The following KCTD8 variants were observed in gnomAD, a reference collection of about 807,000 sequenced individuals.
The protein encoded by KCTD8 is potassium channel tetramerization domain containing 8, also known as BTB/POZ domain-containing protein KCTD8.
In KCTD8, 27 loss-of-function variants were observed where a neutral mutation model predicts 31.5. That is an observed-to-expected ratio of 0.86 (90% confidence interval 0.63 to 1.18). The LOEUF (loss-of-function observed/expected upper bound fraction) is 1.18, where lower values mean the gene tolerates loss of function less well. Ranked by LOEUF, KCTD8 falls within the 50% of genes most tolerant of loss-of-function variation. The probability of loss-of-function intolerance (pLI) is 0.00; values close to 1 mark genes in which losing one functional copy is unlikely to be tolerated. For missense variants in KCTD8, 658 were observed against 647.7 expected (o/e 1.02, Z -0.17); for synonymous variants, 290 against 280.0 (o/e 1.04, Z -0.36).
At chr4:44,390,519 A>G (rs1720344693) in intron 1 of KCTD8, among the ~76,000 whole-genome samples, 1 of 151,964 alleles carries the variant, frequency 6.6e-6, no homozygotes, top group South Asian at 2.1e-4. Context: ...TATTAATACC[A>G]GTACCAGGCT....
chr4:44,375,502 G>A (rs1390945176), intron 1 of KCTD8, among the ~76,000 whole-genome samples: 1 of 152,056 alleles, frequency 6.6e-6, no homozygotes, highest in East Asian at 1.9e-4. Flanking sequence ...TCTGTTCCTG[G>A]TTTCTCACTC....
At chr4:44,319,173 T>C (rs1479811124) in intron 1 of KCTD8, among the ~76,000 whole-genome samples, 1 of 152,122 alleles carries the variant, frequency 6.6e-6, no homozygotes, top group Non-Finnish European at 1.5e-5. Context: ...TAGAGAGAAC[T>C]TGGATAATAC....
chr4:44,211,111 C>G (rs370563352), intron 1 of KCTD8, among the ~76,000 whole-genome samples: 37 of 152,220 alleles, frequency 2.4e-4, no homozygotes, highest in African/African-American at 7.9e-4. Flanking sequence ...ATATTAGGCT[C>G]ATTTTATTTA....
chr4:44,346,010 T>A (rs1719027338), intron 1 of KCTD8, among the ~76,000 whole-genome samples: 1 of 152,128 alleles, frequency 6.6e-6, no homozygotes, highest in Admixed American at 6.5e-5. Context: ...TCAATCTAGT[T>A]AAAGCGTTCA....
At chr4:44,350,244 G>A (rs531159879) in intron 1 of KCTD8, among the ~76,000 whole-genome samples, 68 of 152,048 alleles carry the variant, frequency 4.5e-4, no homozygotes, top group Admixed American at 3.5e-3. Context: ...GCATTATGCC[G>A]TTTTCACAAC....
intron 1 of KCTD8, among the ~76,000 whole-genome samples, chr4:44,356,949 G>A (rs1402279895): frequency 6.6e-6 from 1 of 151,994 alleles, no homozygotes; most frequent in African/African-American, 2.4e-5. Flanking sequence ...TCCATATTTA[G>A]AACAATATTT....
At chr4:44,350,133 C>G (rs185473179) in intron 1 of KCTD8, among the ~76,000 whole-genome samples, 76 of 152,290 alleles carry the variant, frequency 5.0e-4, no homozygotes, top group Non-Finnish European at 1.0e-3. Context: ...CTTTACTATT[C>G]TTCCTCCTCT....
chr4:44,281,540 T>C (rs1312063725), intron 1 of KCTD8, among the ~76,000 whole-genome samples: 1 of 152,170 alleles, frequency 6.6e-6, no homozygotes, highest in Non-Finnish European at 1.5e-5. Context: ...ATAAGAATTT[T>C]CTGTGAGCCT....
chr4:44,355,340 T>G (rs1719315543), intron 1 of KCTD8, among the ~76,000 whole-genome samples: 1 of 152,116 alleles, frequency 6.6e-6, no homozygotes, highest in Non-Finnish European at 1.5e-5. Context: ...GGTCATTTTT[T>G]CAGGAGTTAG....
At chr4:44,249,563 A>C (rs1715766003) in intron 1 of KCTD8, among the ~76,000 whole-genome samples, 1 of 151,824 alleles carries the variant, frequency 6.6e-6, no homozygotes, top group African/African-American at 2.4e-5. Context: ...TGACAAATAA[A>C]TAAGCATGGT....
intron 1 of KCTD8, among the ~76,000 whole-genome samples, chr4:44,282,105 G>T (rs747172662): frequency 1.3e-5 from 2 of 151,980 alleles, no homozygotes; most frequent in African/African-American, 2.4e-5. Flanking sequence ...GTCTTACTGT[G>T]CTTTACTTTA....
intron 1 of KCTD8, among the ~76,000 whole-genome samples, chr4:44,352,030 A>G (rs1719217452): frequency 6.6e-6 from 1 of 152,110 alleles, no homozygotes; most frequent in African/African-American, 2.4e-5. Flanking sequence ...CTGGGGATAT[A>G]GAGAACTTCT....
rs568012960 is a variant in KCTD8 at position 44,396,712 on chromosome 4, T to C, written c.961+50851A>G. Among the ~76,000 whole-genome samples, 31 of 152,234 alleles carry C rather than the reference T, an allele frequency of 2.0e-4. No individual in the cohort carries two copies. The South Asian group carries it at 6.0e-3, about 29-fold the overall frequency. ...TCTGCACCAGAATTCATTAGTTGCATACTTAGTACCTTCACCACTTTACTA... is the reference window on the plus strand; with the variant it reads ...TCTGCACCAGAATTCATTAGTTGCACACTTAGTACCTTCACCACTTTACTA... On this transcript the variant is annotated intron_variant, in intron 1 of 1. Transcript: ENST00000360029.
At position 44,306,094 on chromosome 4, in the gene KCTD8, C is replaced by T. The variant is rs770908116; in HGVS notation, c.962-130844G>A. Among the ~76,000 whole-genome samples, 17 of 151,672 alleles carry T rather than the reference C, an allele frequency of 1.1e-4. 1 individual carries two copies. Among genetic ancestry groups the T allele is most frequent in the African/African-American group, 3.1e-4 (13 of 41,410 alleles). ...GTATTAGAAAGACTAAAAATTAATC[C>T]GCTAAGTATTCAACTTAGGTAGACA... On this transcript the variant is annotated intron_variant, in intron 1 of 1. Coordinates refer to ENST00000360029, the MANE Select transcript of KCTD8 (RefSeq NM_198353.3).
chr4:44,292,142 T>C (rs1717299518), intron 1 of KCTD8, among the ~76,000 whole-genome samples: 1 of 151,826 alleles, frequency 6.6e-6, no homozygotes, highest in Admixed American at 6.6e-5. Context: ...CAAAGGAAAA[T>C]GAATCATTCT....
chr4:44,413,526 A>G (rs1197337340), intron 1 of KCTD8, among the ~76,000 whole-genome samples: 1 of 152,198 alleles, frequency 6.6e-6, no homozygotes, highest in African/African-American at 2.4e-5. Context: ...TTTAACACAT[A>G]AATGATAAAA....
intron 1 of KCTD8, among the ~76,000 whole-genome samples, chr4:44,325,834 T>A (rs1470747401): frequency 6.6e-6 from 1 of 151,906 alleles, no homozygotes; most frequent in African/African-American, 2.4e-5. Flanking sequence ...GGGGATATAA[T>A]CGAGCTAGTG....
intron 1 of KCTD8, among the ~76,000 whole-genome samples, chr4:44,254,970 C>T (rs1409205511): frequency 6.6e-6 from 1 of 151,850 alleles, no homozygotes; most frequent in East Asian, 1.9e-4. Context: ...TTATACTTGT[C>T]TCTGCCAGTG....
At position 44,328,164 on chromosome 4, in the gene KCTD8, A is replaced by G. The variant is rs185483317; in HGVS notation, c.961+119399T>C. Among the ~76,000 whole-genome samples, 92 of 152,108 alleles carry G rather than the reference A, an allele frequency of 6.0e-4. 1 individual carries two copies. The Middle Eastern group carries it at 0.01, about 17-fold the overall frequency. ...AGAAGGCATTTTGCAAAAAACATCA[A>G]CATGAAAGTAAACCAACTCATAGAA... On this transcript the variant is annotated intron_variant, in intron 1 of 1. Coordinates refer to ENST00000360029, the MANE Select transcript of KCTD8 (RefSeq NM_198353.3).
Sources: gnomAD v4.1 joint callset for allele counts (sites outside exome capture counted in the v4.1 genomes callset) on GRCh38, gnomAD v4.1.1 for gene constraint, MANE v1.5 for transcripts, NCBI Gene and HGNC (gene_info 2026-07-23, HGNC 2026-07-21) for gene names.